Variants in RAB11FIP4 observed in about 807,000 individuals in gnomAD.
The protein encoded by RAB11FIP4 is RAB11 family interacting protein 4.
A neutral mutation model predicts 74.3 loss-of-function variants in RAB11FIP4; 23 were observed. The ratio of observed to expected loss-of-function variants is 0.31; its 90% CI spans 0.22 to 0.44. The LOEUF (loss-of-function observed/expected upper bound fraction) is 0.44. RAB11FIP4 is among the 20% of genes least tolerant of loss of function. RAB11FIP4 has a pLI of 1.00. For missense variants in RAB11FIP4, 630 were observed against 863.9 expected, an observed-to-expected ratio of 0.73 and a Z score of 3.39; for synonymous variants, 360 against 359.9, an observed-to-expected ratio of 1.00 and a Z score of 0.00.
chr17:31,510,600 G>A (rs540884664), intron 3 of RAB11FIP4, among the ~76,000 whole-genome samples: 2 of 152,160 alleles, frequency 1.3e-5, no homozygotes, highest in Non-Finnish European at 2.9e-5. Flanking sequence ...TCATCTTAAT[G>A]CTTACTAAAG....
intron 1 of RAB11FIP4, among the ~76,000 whole-genome samples, chr17:31,425,952 TC>T (rs758685790): frequency 2.6e-4 from 39 of 151,920 alleles, no homozygotes; most frequent in Non-Finnish European, 4.4e-4. Context: ...AGCAAACCCC[TC>T]CCCCCGCTGG....
intron 1 of RAB11FIP4, among the ~76,000 whole-genome samples, chr17:31,399,439 G>A (rs2070963059): frequency 6.6e-6 from 1 of 152,212 alleles, no homozygotes; most frequent in South Asian, 2.1e-4. Context: ...TAGGCCAGGT[G>A]TGGTGGCTCA....
At chr17:31,511,267 C>T (rs536554513) in intron 3 of RAB11FIP4, among the ~76,000 whole-genome samples, 3 of 152,304 alleles carry the variant, frequency 2.0e-5, no homozygotes, top group Non-Finnish European at 4.4e-5. Flanking sequence ...CCACCCCGCG[C>T]CTCCTTTTGC....
intron 3 of RAB11FIP4, among the ~76,000 whole-genome samples, chr17:31,481,106 T>G (rs558040282): frequency 3.9e-5 from 6 of 152,120 alleles, no homozygotes; most frequent in Admixed American, 3.3e-4. Flanking sequence ...AGGAATGAAT[T>G]AAAGAATGAA....
chr17:31,445,532 TTATATATATATATATA>T (rs1208804229), intron 3 of RAB11FIP4, among the ~76,000 whole-genome samples: 9 of 36,586 alleles, frequency 2.5e-4, no homozygotes, highest in African/African-American at 1.0e-3. Context: ...TTTCCCAATT[TTATATATATATATATA>T]TATATATATA....
intron 3 of RAB11FIP4, among the ~76,000 whole-genome samples, chr17:31,481,962 G>A (rs904702809): frequency 3.3e-5 from 5 of 152,086 alleles, no homozygotes; most frequent in Non-Finnish European, 5.9e-5. Context: ...AATCATCCCG[G>A]CCAGTGGACA....
At chr17:31,515,154 G>A (rs2072523140) in intron 3 of RAB11FIP4, among the ~76,000 whole-genome samples, 1 of 152,110 alleles carries the variant, frequency 6.6e-6, no homozygotes, top group Non-Finnish European at 1.5e-5. Flanking sequence ...TGCCCAGCTC[G>A]GTCTCTGGAA....
intron 3 of RAB11FIP4, among the ~76,000 whole-genome samples, chr17:31,470,373 G>A (rs2071726455): frequency 6.6e-6 from 1 of 152,210 alleles, no homozygotes; most frequent in Admixed American, 6.5e-5. Context: ...GGTGATTGAT[G>A]CTCTGCTACT....
rs921076617 is a variant in RAB11FIP4, at chr17:31,489,931, G to A, written c.337-27720G>A. Reference sequence around the variant, plus strand: ...GGAGGCGAGGGGCGGGACTAGCCAGGCCAGGTGAGCCAGCTGGAAGGCATG... The same window carrying A: ...GGAGGCGAGGGGCGGGACTAGCCAGACCAGGTGAGCCAGCTGGAAGGCATG... On this transcript the variant is annotated intron_variant, in intron 3 of 14. Coordinates refer to ENST00000621161, the MANE Select transcript of RAB11FIP4 (RefSeq NM_032932.6). Among the ~76,000 whole-genome samples, 5 of 152,174 alleles carry A rather than the reference G, an allele frequency of 3.3e-5. No individual in the cohort carries two copies. The South Asian group carries it at 1.0e-3, about 31-fold the overall frequency.
At chr17:31,434,277 C>T (rs1419464807) in intron 3 of RAB11FIP4, among the ~76,000 whole-genome samples, 155 bp downstream of exon 3, 2 of 152,108 alleles carry the variant, frequency 1.3e-5, no homozygotes, top group African/African-American at 2.4e-5. Context: ...GGAACAGGAG[C>T]CCTGAGTCCC....
intron 3 of RAB11FIP4, among the ~76,000 whole-genome samples, chr17:31,516,794 C>T (rs1184978224): frequency 6.6e-6 from 1 of 152,192 alleles, no homozygotes; most frequent in Non-Finnish European, 1.5e-5. Flanking sequence ...GTACACTCCA[C>T]GGGATGGGAG....
chr17:31,471,770 G>A (rs556109352), intron 3 of RAB11FIP4, among the ~76,000 whole-genome samples: 4 of 152,342 alleles, frequency 2.6e-5, no homozygotes, highest in South Asian at 2.1e-4. Flanking sequence ...AGAGCCTGAC[G>A]CTCAAGTTGG....
intron 1 of RAB11FIP4, among the ~76,000 whole-genome samples, chr17:31,427,888 A>C (rs2071268798): frequency 6.6e-6 from 1 of 152,308 alleles, no homozygotes; most frequent in East Asian, 1.9e-4. Flanking sequence ...ATTGCCTGGC[A>C]GTGTCAGAGG....
intron 5 of RAB11FIP4, 90 bp from the exon 6 acceptor site, chr17:31,521,825 G>A: frequency 1.3e-6 from 2 of 1,483,922 alleles, no homozygotes; most frequent in Non-Finnish European, 1.9e-6. Context: ...AAAGGTACTG[G>A]GGACTCAAGT....
At chr17:31,471,906 T>C (rs531390252) in intron 3 of RAB11FIP4, among the ~76,000 whole-genome samples, 1 of 152,166 alleles carries the variant, frequency 6.6e-6, no homozygotes, top group Non-Finnish European at 1.5e-5. Flanking sequence ...CTCACGCCTG[T>C]AATCCCAGCA....
At position 31,537,137 on chromosome 17, in the gene RAB11FIP4, C is replaced by T; in HGVS notation, c.*5405C>T. 1 of 399,586 alleles carries T rather than the reference C, an allele frequency of 2.5e-6. No individual in the cohort carries two copies. 24.8% of individuals were successfully genotyped at this position (399,586 alleles called of 1,614,324 possible). A position where few individuals can be genotyped will look rare whatever the true frequency, so the allele number is the denominator to read the frequency against. Reference sequence around the variant, plus strand: ...ATGGTTTGGGGTCTTTGTCCTTGTGCCTTTTCTTCCCCATCGCCACTGTAC... The same window carrying T: ...ATGGTTTGGGGTCTTTGTCCTTGTGTCTTTTCTTCCCCATCGCCACTGTAC... On this transcript the variant is annotated 3_prime_UTR_variant, in exon 15 of 15. Transcript: ENST00000621161.
At chr17:31,448,843 G>C (rs765935970) in intron 3 of RAB11FIP4, among the ~76,000 whole-genome samples, 2 of 152,140 alleles carry the variant, frequency 1.3e-5, no homozygotes, top group Non-Finnish European at 2.9e-5. Flanking sequence ...CAAACGGGCT[G>C]AGTGTGGGTT....
At chr17:31,408,966 G>A (rs1283937388) in intron 1 of RAB11FIP4, among the ~76,000 whole-genome samples, 2 of 152,260 alleles carry the variant, frequency 1.3e-5, no homozygotes, top group Non-Finnish European at 2.9e-5. Context: ...CCAGCCTCAT[G>A]GCAGAAAAAC....
At chr17:31,473,907 C>T (rs562277112) in intron 3 of RAB11FIP4, among the ~76,000 whole-genome samples, 34 of 152,286 alleles carry the variant, frequency 2.2e-4, no homozygotes, top group Admixed American at 1.6e-3. Flanking sequence ...TGCTGCAGAC[C>T]GTCCCCAGGA....
Sources: allele counts gnomAD v4.1 joint callset (sites outside exome capture counted in the v4.1 genomes callset), GRCh38; gene constraint gnomAD v4.1.1; transcripts MANE v1.5; gene names NCBI Gene and HGNC (gene_info 2026-07-23, HGNC 2026-07-21).